The following PAX3 variants were observed in gnomAD, a reference collection of about 807,000 sequenced individuals.
The protein encoded by PAX3 is paired box protein Pax-3.
In PAX3, 14 loss-of-function variants were observed where a neutral mutation model predicts 51.6. The ratio of observed to expected loss-of-function variants is 0.27; its 90% confidence interval spans 0.18 to 0.42. PAX3 has a LOEUF of 0.42. Ranked by LOEUF, PAX3 falls within the 10% of genes least tolerant of loss-of-function variation. The pLI, the probability that PAX3 is intolerant of heterozygous loss-of-function variation, is 1.00. For synonymous variants in PAX3, 280 were observed against 253.4 expected, an observed-to-expected ratio of 1.11 and a Z score of -1.00; for missense variants, 540 against 642.8, an observed-to-expected ratio of 0.84 and a Z score of 1.73.
At chr2:222,280,435 A>G (rs533754125) in intron 4 of PAX3, among the ~76,000 whole-genome samples, 5 of 152,094 alleles carry the variant, frequency 3.3e-5, no homozygotes, top group Admixed American at 2.6e-4. Context: ...GAAAGGAAGG[A>G]AGGAAGGAAG....
chr2:222,288,328 G>A (rs1172050527), intron 4 of PAX3, among the ~76,000 whole-genome samples: 1 of 152,170 alleles, frequency 6.6e-6, no homozygotes, highest in Non-Finnish European at 1.5e-5. Context: ...TTTAGTGCCA[G>A]CATAATTCTT....
intron 4 of PAX3, among the ~76,000 whole-genome samples, chr2:222,269,754 G>A (rs1418846172): frequency 1.3e-5 from 2 of 151,946 alleles, no homozygotes; most frequent in Non-Finnish European, 2.9e-5. Flanking sequence ...TCAACAATAT[G>A]CCGAGATAAA....
intron 7 of PAX3, among the ~76,000 whole-genome samples, chr2:222,202,809 C>T (rs1054893992): frequency 6.6e-6 from 1 of 150,468 alleles, no homozygotes; most frequent in African/African-American, 2.4e-5. Flanking sequence ...TTATTTACCC[C>T]TCCCACTGTA....
chr2:222,280,072 G>A (rs1451614770), intron 4 of PAX3, among the ~76,000 whole-genome samples: 7 of 151,952 alleles, frequency 4.6e-5, no homozygotes, highest in African/African-American at 7.3e-5. Context: ...TTAGCCAGAC[G>A]AGGTGGTGCG....
At chr2:222,255,443 G>A (rs1302774209) in intron 4 of PAX3, among the ~76,000 whole-genome samples, 1 of 152,140 alleles carries the variant, frequency 6.6e-6, no homozygotes, top group African/African-American at 2.4e-5. Context: ...GAAGACTTGG[G>A]AGCCCCACCT....
At chr2:222,286,438 TATCTTGAGTTCTA>T (rs1284207160) in intron 4 of PAX3, among the ~76,000 whole-genome samples, 2 of 152,262 alleles carry the variant, frequency 1.3e-5, no homozygotes, top group African/African-American at 4.8e-5. Context: ...AATAGTTGCC[TATCTTGAGTTCTA>T]ATCTGTTTTG....
chr2:222,249,298 T>C (rs1032738443), intron 4 of PAX3, among the ~76,000 whole-genome samples: 1 of 152,204 alleles, frequency 6.6e-6, no homozygotes, highest in African/African-American at 2.4e-5. Context: ...CCCCTTTTTT[T>C]CTCAAATGTC....
intron 4 of PAX3, among the ~76,000 whole-genome samples, chr2:222,281,226 A>G (rs749043128): frequency 2.6e-5 from 4 of 152,208 alleles, no homozygotes; most frequent in Non-Finnish European, 5.9e-5. Flanking sequence ...ATTGACTTTC[A>G]GCTTTCTTTA....
intron 4 of PAX3, among the ~76,000 whole-genome samples, chr2:222,274,287 G>C (rs1388093912): frequency 6.6e-6 from 1 of 151,868 alleles, no homozygotes; most frequent in Non-Finnish European, 1.5e-5. Context: ...TCATTCTATA[G>C]TTTCATTTTA....
At position 222,212,509 on chromosome 2, in the gene PAX3, T is replaced by C. The variant is rs185873123; in HGVS notation, c.1173+7631A>G. Among the ~76,000 whole-genome samples, 27 of 152,292 alleles carry C rather than the reference T, an allele frequency of 1.8e-4. No homozygotes were observed. The East Asian group carries it at 5.2e-3, about 29-fold the overall frequency. ...GCTAATCTCAGAAACTCTAGTTTAC[T>C]GAATTCGAGCTAAATGTCAAGAGCA... is the stretch of plus-strand genomic sequence containing the variant. On this transcript the variant is annotated intron_variant, in intron 7 of 8. Coordinates refer to ENST00000392070, the MANE Select transcript of PAX3 (RefSeq NM_181458.4).
chr2:222,265,487 A>G (rs1046722623), intron 4 of PAX3, among the ~76,000 whole-genome samples: 2 of 147,652 alleles, frequency 1.4e-5, no homozygotes, highest in Admixed American at 6.8e-5. Context: ...CCCCATCTCT[A>G]CTAAAAATAC....
chr2:222,280,096 A>G (rs1694584516), intron 4 of PAX3, among the ~76,000 whole-genome samples: 1 of 152,076 alleles, frequency 6.6e-6, no homozygotes, highest in African/African-American at 2.4e-5. Context: ...CTGTAATCCC[A>G]GCTACTCAGG....
intron 4 of PAX3, among the ~76,000 whole-genome samples, chr2:222,271,161 C>T (rs1193762739): frequency 2.0e-5 from 3 of 152,196 alleles, no homozygotes; most frequent in Non-Finnish European, 4.4e-5. Flanking sequence ...AGTGACTTTT[C>T]CATGATCACA....
intron 4 of PAX3, among the ~76,000 whole-genome samples, chr2:222,258,928 T>C (rs1161729671): frequency 2.0e-5 from 3 of 149,494 alleles, no homozygotes; most frequent in African/African-American, 4.9e-5. Flanking sequence ...AAATCTGCGG[T>C]TGACTGTGGC....
At chr2:222,278,713 A>G (rs1360355396) in intron 4 of PAX3, among the ~76,000 whole-genome samples, 1 of 152,212 alleles carries the variant, frequency 6.6e-6, no homozygotes, top group African/African-American at 2.4e-5. Context: ...CTTCATAGCA[A>G]AACTAATCCT....
chr2:222,279,585 G>A (rs1694563868), intron 4 of PAX3, among the ~76,000 whole-genome samples: 1 of 152,154 alleles, frequency 6.6e-6, no homozygotes, highest in Admixed American at 6.5e-5. Context: ...CCTATAAATT[G>A]TAGTCTGAGT....
At chr2:222,234,068 T>C (rs771197561) in intron 4 of PAX3, among the ~76,000 whole-genome samples, 47 of 152,156 alleles carry the variant, frequency 3.1e-4, no homozygotes, top group South Asian at 6.2e-4. Context: ...ATGGTACACA[T>C]CCAAAATGAA....
At position 222,202,086 on chromosome 2, in the gene PAX3, C is replaced by G. The variant is rs1239136154; in HGVS notation, c.1278G>C (p.Ser426=). Residue 426 remains serine (S), a synonymous_variant, in exon 8 of 9, where the codon TCG becomes TCC. Transcript: ENST00000392070. ...GGTCTAGTCTCTGACTGCAGCTGGC[C>G]GACACCGTGGTGGTAGGTTCCAGAC... ...TGGLEPTTTV[S]ASCSQRLDHM... 1 of 1,613,912 alleles carries G rather than the reference C, an allele frequency of 6.2e-7. No individual in the cohort carries two copies. The highest frequency in any genetic ancestry group is 8.5e-7 in the Non-Finnish European group (1 of 1,179,976).
At chr2:222,253,360 C>A (rs1395819845) in intron 4 of PAX3, among the ~76,000 whole-genome samples, 1 of 152,172 alleles carries the variant, frequency 6.6e-6, no homozygotes, top group African/African-American at 2.4e-5. Flanking sequence ...AAATGCATAT[C>A]CTGGTTTGAC....
Sources: gnomAD v4.1 joint callset for allele counts (sites outside exome capture counted in the v4.1 genomes callset) on GRCh38, gnomAD v4.1.1 for gene constraint, MANE v1.5 for transcripts, NCBI Gene and HGNC (gene_info 2026-07-23, HGNC 2026-07-21) for gene names.